The following PTPN3 variants were observed in gnomAD, a reference collection of about 807,000 sequenced individuals.
PTPN3 encodes protein tyrosine phosphatase non-receptor type 3.
Under a neutral mutation model 132.7 loss-of-function variants are expected in PTPN3, and 96 were observed. That is an observed-to-expected ratio of 0.72 (90% confidence interval 0.61 to 0.86). The LOEUF is 0.86. Ranked by LOEUF, PTPN3 falls within the 40% of genes least tolerant of loss-of-function variation. The probability of loss-of-function intolerance (pLI) is 0.00; values close to 1 mark genes in which losing one functional copy is unlikely to be tolerated. For missense variants in PTPN3, 1,125 were observed against 1,159.6 expected (o/e 0.97, Z 0.43); for synonymous variants, 398 against 429.0 (o/e 0.93, Z 0.89).
chr9:109,389,488 T>C, intron 21 of PTPN3, 109 bp from the exon 22 acceptor site: 1 of 1,162,818 alleles, frequency 8.6e-7, no homozygotes, highest in Non-Finnish European at 1.2e-6. Context: ...AGAAAAATTA[T>C]CTCTTTATCA....
intron 2 of PTPN3, among the ~76,000 whole-genome samples, chr9:109,462,175 C>A (rs1310148676): frequency 2.0e-5 from 3 of 152,236 alleles, no homozygotes; most frequent in Admixed American, 2.0e-4. Context: ...AGGGCCCAAA[C>A]TTCCATGACT....
chr9:109,497,612 T>C (rs978308577), intron 1 of PTPN3, among the ~76,000 whole-genome samples: 1 of 152,188 alleles, frequency 6.6e-6, no homozygotes, highest in Non-Finnish European at 1.5e-5. Flanking sequence ...TCGGGGGGGC[T>C]GGGCACTCTC....
intron 7 of PTPN3, among the ~76,000 whole-genome samples, chr9:109,442,224 A>T (rs1383727964): frequency 6.6e-6 from 1 of 151,726 alleles, no homozygotes; most frequent in Non-Finnish European, 1.5e-5. Context: ...ATTTTTGTAT[A>T]TTTTGTAGAG....
At chr9:109,477,752 C>A (rs963335269) in intron 1 of PTPN3, among the ~76,000 whole-genome samples, 2 of 152,366 alleles carry the variant, frequency 1.3e-5, no homozygotes, top group Admixed American at 1.3e-4. Flanking sequence ...ATGACCAGCT[C>A]TCCTTCCGGA....
chr9:109,441,570 T>G (rs931525674), intron 7 of PTPN3, among the ~76,000 whole-genome samples: 11 of 152,172 alleles, frequency 7.2e-5, no homozygotes, highest in African/African-American at 2.7e-4. Flanking sequence ...GTGTGTTTTA[T>G]CCATCTGTGC....
At chr9:109,488,538 T>G (rs191576302) in intron 1 of PTPN3, among the ~76,000 whole-genome samples, 4 of 152,348 alleles carry the variant, frequency 2.6e-5, no homozygotes, top group African/African-American at 9.6e-5. Context: ...AAGCTGCTGA[T>G]GCCTAGAGTA....
chr9:109,464,316 A>G (rs1381147130), intron 1 of PTPN3, among the ~76,000 whole-genome samples: 1 of 152,212 alleles, frequency 6.6e-6, no homozygotes, highest in Non-Finnish European at 1.5e-5. Flanking sequence ...TCACTCACTA[A>G]AAGACATGTA....
At chr9:109,468,428 G>C (rs1010584782) in intron 1 of PTPN3, among the ~76,000 whole-genome samples, 1 of 151,942 alleles carries the variant, frequency 6.6e-6, no homozygotes, top group South Asian at 2.1e-4. Flanking sequence ...GTACAGTGGC[G>C]TGATCTCGGC....
At chr9:109,533,182 G>T in the PTPN3 span, among the ~76,000 whole-genome samples, 1,413 of 114,848 alleles carry the variant, frequency 0.012, 13 homozygotes, top group Middle Eastern at 0.076. Context: ...CTGTCGCCCA[G>T]GCCGGACTGC....
intron 19 of PTPN3, among the ~76,000 whole-genome samples, chr9:109,396,808 G>C (rs1305827506): frequency 2.0e-5 from 3 of 152,110 alleles, no homozygotes; most frequent in Non-Finnish European, 4.4e-5. Flanking sequence ...TGGTTTTTTG[G>C]CTTAAATATT....
At chr9:109,533,532 G>A in the PTPN3 span, 2 of 1,600,482 alleles carry the variant, frequency 1.2e-6, no homozygotes, top group Middle Eastern at 2.2e-4. Flanking sequence ...TCACCTCGTT[G>A]ATTTTCTTTA....
the PTPN3 span, among the ~76,000 whole-genome samples, chr9:109,536,450 C>T: frequency 2.0e-5 from 3 of 152,154 alleles, no homozygotes; most frequent in South Asian, 2.1e-4. Context: ...TCTTGTGTTA[C>T]AATAATAGAG....
Position 109,406,889 on chromosome 9 carries a change from A to G in PTPN3, c.1636-271T>C, listed in dbSNP as rs144184185. 9.6e-3 allele frequency among the ~76,000 whole-genome samples: 1,456 copies of G among 152,344 alleles called. 15 individuals carry two copies. Among genetic ancestry groups the G allele is most frequent in the African/African-American group, 0.033 (1,392 of 41,584 alleles). On this transcript the variant is annotated intron_variant, in intron 17 of 25. Transcript: ENST00000374541. ...ATTGCTGAAGCCATTTCTCCGTGGT[A>G]GTCAACCTTCACTTATTATAATATA...
intron 14 of PTPN3, among the ~76,000 whole-genome samples, chr9:109,413,927 C>G (rs1235857556): frequency 1.3e-5 from 2 of 152,150 alleles, no homozygotes; most frequent in Non-Finnish European, 2.9e-5. Context: ...ACCTCCCCGC[C>G]CCGCCGCCTG....
At chr9:109,480,685 T>C (rs1290480065) in intron 1 of PTPN3, among the ~76,000 whole-genome samples, 1 of 152,206 alleles carries the variant, frequency 6.6e-6, no homozygotes, top group Non-Finnish European at 1.5e-5. Context: ...AGGTCATTGA[T>C]CCATTTTGAG....
the PTPN3 span, among the ~76,000 whole-genome samples, chr9:109,509,378 C>T: frequency 3.9e-5 from 6 of 152,330 alleles, 1 homozygote; most frequent in South Asian, 1.2e-3. Context: ...CAATCCTGCG[C>T]AATCTGCAGT....
chr9:109,507,481 C>G, the PTPN3 span, among the ~76,000 whole-genome samples: 23 of 152,370 alleles, frequency 1.5e-4, no homozygotes. Context: ...TCAGCCTGCC[C>G]AGTGATCTGG....
the PTPN3 span, among the ~76,000 whole-genome samples, chr9:109,531,332 A>T: frequency 2.6e-5 from 4 of 152,208 alleles, no homozygotes; most frequent in Non-Finnish European, 5.9e-5. Flanking sequence ...CTCAGAGTAT[A>T]GATAGGGTGC....
chr9:109,393,046 C>G (rs1240252979), intron 19 of PTPN3: 1 of 152,166 alleles, frequency 6.6e-6, no homozygotes, highest in Non-Finnish European at 1.5e-5. Context: ...AGGACAAGTC[C>G]TGCAATGCAT....
Sources: gnomAD v4.1 joint callset for allele counts (sites outside exome capture counted in the v4.1 genomes callset) on GRCh38, gnomAD v4.1.1 for gene constraint, MANE v1.5 for transcripts, NCBI Gene and HGNC (gene_info 2026-07-23, HGNC 2026-07-21) for gene names.